The following POU6F2 variants were observed in gnomAD, a reference collection of about 807,000 sequenced individuals.
The protein encoded by POU6F2 is POU domain, class 6, transcription factor 2.
POU6F2 carries 31 observed loss-of-function variants against 71.3 expected under a neutral mutation model. The observed-to-expected ratio is 0.43, with a 90% CI of 0.33 to 0.59. The LOEUF (loss-of-function observed/expected upper bound fraction) is 0.59, where lower values mean the gene tolerates loss of function less well. Among genes scored for constraint, POU6F2 ranks in the 20% least tolerant of loss-of-function variants. POU6F2 has a pLI of 0.04. For missense variants in POU6F2, 783 were observed against 856.8 expected, an observed-to-expected ratio of 0.91 and a Z score of 1.07; for synonymous variants, 347 against 355.7, an observed-to-expected ratio of 0.98 and a Z score of 0.27.
intron 2 of POU6F2, among the ~76,000 whole-genome samples, chr7:39,149,897 T>C (rs936294363): frequency 3.3e-5 from 5 of 151,772 alleles, no homozygotes; most frequent in Non-Finnish European, 7.4e-5. Flanking sequence ...TTTTTTTTTT[T>C]TTTCTTGAGA....
intron 1 of POU6F2, among the ~76,000 whole-genome samples, chr7:39,004,354 A>T (rs1463600715): frequency 6.6e-6 from 1 of 152,224 alleles, no homozygotes; most frequent in Non-Finnish European, 1.5e-5. Flanking sequence ...AATACAGTCA[A>T]CTCTACTCAG....
At chr7:39,381,438 C>T (rs772625553) in intron 5 of POU6F2, among the ~76,000 whole-genome samples, 16 of 152,124 alleles carry the variant, frequency 1.1e-4, no homozygotes, top group Non-Finnish European at 2.2e-4. Flanking sequence ...GATGGGGTTT[C>T]ACCACGTTGC....
intron 2 of POU6F2, among the ~76,000 whole-genome samples, chr7:39,165,407 C>T (rs10237781): frequency 0.27 from 40,519 of 151,990 alleles, 5,776 homozygotes; most frequent in East Asian, 0.62. Context: ...TACATGAGTC[C>T]CTGGACCCCT....
chr7:39,199,090 A>T (rs1196209501), intron 2 of POU6F2, among the ~76,000 whole-genome samples: 1 of 152,186 alleles, frequency 6.6e-6, no homozygotes. Flanking sequence ...GAGCACAGAA[A>T]CCCAAACTCT....
intron 2 of POU6F2, among the ~76,000 whole-genome samples, chr7:39,124,269 A>G (rs1792103643): frequency 6.6e-6 from 1 of 151,858 alleles, no homozygotes; most frequent in Non-Finnish European, 1.5e-5. Context: ...CTGGTCTCGA[A>G]CTCCTGATCT....
chr7:39,385,816 G>A (rs1269878468), intron 5 of POU6F2, among the ~76,000 whole-genome samples: 2 of 152,064 alleles, frequency 1.3e-5, no homozygotes, highest in Non-Finnish European at 2.9e-5. Context: ...CTTTGCCCAA[G>A]GCCATGCCCC....
chr7:39,051,652 A>C (rs1469371219), intron 1 of POU6F2, among the ~76,000 whole-genome samples: 1 of 152,020 alleles, frequency 6.6e-6, no homozygotes, highest in Non-Finnish European at 1.5e-5. Flanking sequence ...GATGTTTTTT[A>C]CTCAGGTGTA....
intron 2 of POU6F2, among the ~76,000 whole-genome samples, chr7:39,136,846 GTGTGGTGGTGTACGAC>G (rs1792398277): frequency 6.6e-6 from 1 of 151,332 alleles, no homozygotes. Flanking sequence ...AAAAAGCCAG[GTGTGGTGGTGTACGAC>G]TGTAGTCCTA....
chr7:39,080,966 C>T (rs1791107746), intron 1 of POU6F2, among the ~76,000 whole-genome samples: 1 of 152,102 alleles, frequency 6.6e-6, no homozygotes. Flanking sequence ...TAAAAAAACA[C>T]AAAGCCCAAG....
intron 1 of POU6F2, among the ~76,000 whole-genome samples, chr7:39,050,393 G>T (rs192944900): frequency 6.6e-6 from 1 of 152,066 alleles, no homozygotes; most frequent in Admixed American, 6.6e-5. Context: ...AGGCTGTTTT[G>T]CAGTTTCTGG....
chr7:39,454,635 A>T (rs1788740184), intron 8 of POU6F2, among the ~76,000 whole-genome samples: 1 of 107,104 alleles, frequency 9.3e-6, no homozygotes, highest in African/African-American at 3.4e-5. Flanking sequence ...CTGTGCCAGG[A>T]ACCAAGGATG....
intron 5 of POU6F2, among the ~76,000 whole-genome samples, chr7:39,364,339 T>TGG (rs948466362): frequency 1.3e-5 from 2 of 151,964 alleles, no homozygotes; most frequent in African/African-American, 4.8e-5. Flanking sequence ...TTAGTGGTGA[T>TGG]TTGTGAGATT....
chr7:39,327,123 C>CA (rs1164803324), intron 4 of POU6F2, among the ~76,000 whole-genome samples: 1 of 151,882 alleles, frequency 6.6e-6, no homozygotes, highest in African/African-American at 2.4e-5. Flanking sequence ...ACTAAAAATA[C>CA]AAAAAATCAG....
intron 8 of POU6F2, among the ~76,000 whole-genome samples, chr7:39,454,724 A>G (rs1390854592): frequency 2.1e-5 from 2 of 94,718 alleles, no homozygotes; most frequent in African/African-American, 4.2e-5. Flanking sequence ...ATATATATAT[A>G]TATAAAATAA....
chr7:39,346,635 C>G (rs976191490), intron 5 of POU6F2, among the ~76,000 whole-genome samples: 1 of 152,224 alleles, frequency 6.6e-6, no homozygotes, highest in African/African-American at 2.4e-5. Context: ...GTTTTGCCTT[C>G]ATGTGCATAG....
chr7:39,065,438 T>A (rs1427812405), intron 1 of POU6F2, among the ~76,000 whole-genome samples: 2 of 151,476 alleles, frequency 1.3e-5, no homozygotes, highest in African/African-American at 4.8e-5. Flanking sequence ...TTCACAAAAG[T>A]GTGAAAATCA....
chr7:39,302,788 G>A (rs1414746134), intron 4 of POU6F2, among the ~76,000 whole-genome samples: 2 of 152,238 alleles, frequency 1.3e-5, no homozygotes, highest in Non-Finnish European at 2.9e-5. Flanking sequence ...AGTACAGTAA[G>A]TGTTTGTAGA....
chr7:39,244,336 GT>G (rs1364934334), intron 4 of POU6F2, among the ~76,000 whole-genome samples: 1 of 152,138 alleles, frequency 6.6e-6, no homozygotes, highest in Non-Finnish European at 1.5e-5. Context: ...CTACAGTTGG[GT>G]TCACTGTGGA....
chr7:39,338,342 G>A (rs1210918703), intron 4 of POU6F2, among the ~76,000 whole-genome samples: 2 of 152,316 alleles, frequency 1.3e-5, no homozygotes, highest in South Asian at 2.1e-4. Context: ...TCTAATAAAC[G>A]GGATGATGCC....
Sources: allele counts gnomAD v4.1 joint callset (sites outside exome capture counted in the v4.1 genomes callset), GRCh38; gene constraint gnomAD v4.1.1; transcripts MANE v1.5; gene names NCBI Gene and HGNC (gene_info 2026-07-23, HGNC 2026-07-21).